ALKBH8: variants seen among roughly 807,000 people sequenced by gnomAD.
ALKBH8 encodes tRNA (carboxymethyluridine(34)-5-O)-methyltransferase ALKBH8.
In ALKBH8, 36 loss-of-function variants were observed where a neutral mutation model predicts 59.8. The ratio of observed to expected loss-of-function variants is 0.60; its 90% confidence interval spans 0.46 to 0.79. The LOEUF is 0.79. ALKBH8 is among the 30% of genes least tolerant of loss of function. The pLI, the probability that ALKBH8 is intolerant of heterozygous loss-of-function variation, is 0.00. For missense variants in ALKBH8, 768 were observed against 801.0 expected (o/e 0.96, Z 0.50); for synonymous variants, 276 against 273.6 (o/e 1.01, Z -0.09).
rs535825411 is a variant in ALKBH8, at chr11:107,547,154, G to T, written c.771+2599C>A. 1.1e-4 allele frequency among the ~76,000 whole-genome samples: 16 copies of T among 152,328 alleles called. 1 individual carries two copies. The South Asian group carries it at 3.3e-3, about 32-fold the overall frequency. On this transcript the variant is annotated intron_variant, in intron 7 of 11. Transcript: ENST00000428149. ...CTGACAAAATTATTACAATGAAATG[G>T]AAGCTGCCATAGGCATTACAGGAAA...
chr11:107,558,568 G>A (rs1565350508), intron 2 of ALKBH8, among the ~76,000 whole-genome samples: 1 of 152,142 alleles, frequency 6.6e-6, no homozygotes, highest in Non-Finnish European at 1.5e-5. Flanking sequence ...ATGACTTCAG[G>A]AATACTAGAA....
intron 8 of ALKBH8, 67 bp downstream of exon 8, chr11:107,532,233 T>C: frequency 1.5e-6 from 2 of 1,344,862 alleles, no homozygotes; most frequent in Non-Finnish European, 2.1e-6. Flanking sequence ...ATGGTCCCCG[T>C]GGCTCAAACA....
At chr11:107,506,952 G>A (rs1012910406) in intron 11 of ALKBH8, among the ~76,000 whole-genome samples, 1 of 151,824 alleles carries the variant, frequency 6.6e-6, no homozygotes, top group African/African-American at 2.4e-5. Flanking sequence ...TGCAATAAAG[G>A]GCAGAAGGGG....
intron 10 of ALKBH8, among the ~76,000 whole-genome samples, chr11:107,513,007 A>C (rs1862703737): frequency 6.6e-6 from 1 of 152,202 alleles, no homozygotes; most frequent in African/African-American, 2.4e-5. Flanking sequence ...TTTCATGACA[A>C]AGACAACAAA....
intron 7 of ALKBH8, among the ~76,000 whole-genome samples, chr11:107,534,028 G>A (rs1031201010): frequency 2.6e-5 from 4 of 152,144 alleles, no homozygotes; most frequent in African/African-American, 4.8e-5. Context: ...TACTCAGGAG[G>A]CTGAGGCAGG....
chr11:107,536,327 G>A (rs890619369), intron 7 of ALKBH8, among the ~76,000 whole-genome samples: 2 of 152,112 alleles, frequency 1.3e-5, no homozygotes, highest in Admixed American at 1.3e-4. Context: ...AGTAACACAA[G>A]GAACCCCACC....
chr11:107,544,686 T>C (rs1864175763), intron 7 of ALKBH8, among the ~76,000 whole-genome samples: 2 of 152,094 alleles, frequency 1.3e-5, no homozygotes, highest in South Asian at 4.1e-4. Flanking sequence ...AAATGAAGAT[T>C]GGCCCAATGC....
In ALKBH8 at chr11:107,504,319, A is replaced by G. The variant is rs1445387203; in HGVS notation, c.*339T>C. 9.2e-6 allele frequency: 5 copies of G among 543,714 alleles called. No homozygotes were observed. The highest frequency in any genetic ancestry group is 1.6e-5 in the Non-Finnish European group (5 of 311,092). 33.7% of individuals were successfully genotyped at this position (543,714 alleles called of 1,614,324 possible). A position where few individuals can be genotyped will look rare whatever the true frequency, so the allele number is the denominator to read the frequency against. Reference sequence around the variant, plus strand: ...CATATAATTACATCCCTAAAATCCTACATGATTTACTACATTTAGTAGCAC... The same window carrying G: ...CATATAATTACATCCCTAAAATCCTGCATGATTTACTACATTTAGTAGCAC... On this transcript the variant is annotated 3_prime_UTR_variant, in exon 12 of 12. Transcript: ENST00000428149.
chr11:107,512,803 T>TATCC (rs1862694157), intron 10 of ALKBH8, among the ~76,000 whole-genome samples: 2 of 152,250 alleles, frequency 1.3e-5, no homozygotes, highest in Non-Finnish European at 2.9e-5. Flanking sequence ...CTTCTGAGAA[T>TATCC]AAAGACTATG....
intron 4 of ALKBH8, 28 bp from the exon 5 acceptor site, chr11:107,553,231 T>A (rs1256396692): frequency 3.5e-6 from 5 of 1,435,802 alleles, no homozygotes; most frequent in Non-Finnish European, 4.8e-6. Flanking sequence ...AGTAAACAAT[T>A]AAGAAGGAAA....
chr11:107,552,571 T>C (rs1864542071), intron 5 of ALKBH8, among the ~76,000 whole-genome samples: 1 of 152,158 alleles, frequency 6.6e-6, no homozygotes, highest in Non-Finnish European at 1.5e-5. Context: ...AAATTATAAA[T>C]TTAAAAGCTT....
chr11:107,555,686 G>A (rs990756137), intron 3 of ALKBH8, among the ~76,000 whole-genome samples: 2 of 152,106 alleles, frequency 1.3e-5, no homozygotes, highest in African/African-American at 4.8e-5. Flanking sequence ...AATTTGAGCA[G>A]ATTATAGTCA....
rs1862273151 is a variant in ALKBH8 at position 107,503,951 on chromosome 11, A to G, written c.*707T>C. ...CATGGCATTTATCACTATCTGGCAC[A>G]TAGTATCTATTTATTGATTTGCCTG... is the stretch of plus-strand genomic sequence containing the variant. On this transcript the variant is annotated 3_prime_UTR_variant, in exon 12 of 12. Transcript: ENST00000428149. 6.6e-6 allele frequency: 1 copy of G among 152,222 alleles called. No homozygotes were observed. Among genetic ancestry groups the G allele is most frequent in the African/African-American group, 2.4e-5 (1 of 41,446 alleles). 9.4% of individuals were successfully genotyped at this position (152,222 alleles called of 1,614,324 possible).
At chr11:107,565,570 C>T (rs1239928856) in intron 1 of ALKBH8, 31 bp downstream of exon 1, 8 of 1,535,590 alleles carry the variant, frequency 5.2e-6, no homozygotes, top group Non-Finnish European at 7.0e-6. Flanking sequence ...ATTTGCTGCC[C>T]GTATGCCCGC....
At position 107,525,450 on chromosome 11, in the gene ALKBH8, A is replaced by G; in HGVS notation, c.1021T>C (p.Cys341Arg). 2.6e-6 allele frequency: 4 copies of G among 1,544,914 alleles called. No homozygotes were observed. The highest frequency in any genetic ancestry group is 3.5e-6 in the Non-Finnish European group (4 of 1,144,014). ...FTFRKVRQTP[C>R]NCSYPLVCDS... is the part of the protein sequence containing the mutation. ...AAGAGTATATACTTACTACAGTTACAAGGTGTTTGCCTCACTTTCCTAAAT... is the reference window on the plus strand; with the variant it reads ...AAGAGTATATACTTACTACAGTTACGAGGTGTTTGCCTCACTTTCCTAAAT... Residue 341 changes from cysteine to arginine, a missense_variant, in exon 9 of 12, where the codon TGT becomes CGT. Physicochemically the swap from Cys to Arg is radical, Grantham distance 180. Coordinates refer to ENST00000428149, the MANE Select transcript of ALKBH8 (RefSeq NM_138775.3).
At chr11:107,531,673 T>G (rs1021499987) in intron 8 of ALKBH8, among the ~76,000 whole-genome samples, 10 of 152,240 alleles carry the variant, frequency 6.6e-5, no homozygotes, top group African/African-American at 2.4e-4. Flanking sequence ...TTCCTGAATT[T>G]GAGCACTGCA....
chr11:107,511,023 C>A lies in ALKBH8; in HGVS notation c.1301G>T (p.Arg434Leu). 1 of 1,551,778 alleles carries A rather than the reference C, an allele frequency of 6.4e-7. No homozygotes were observed. The highest frequency in any genetic ancestry group is 1.4e-5 in the African/African-American group (1 of 73,146). ...NKELYMIGCD[R>L]SQNLVDICRE... The stretch of plus-strand genomic sequence containing the variant: ...ACAAATGTCCACAAGGTTTTGGCTA[C>A]GATCACAACCAATCTGTAACAGAGA... The change falls in exon 11 of 12, where the codon CGT becomes CTT. Residue 434 changes from arginine to leucine, a missense_variant. Coordinates refer to ENST00000428149, the MANE Select transcript of ALKBH8 (RefSeq NM_138775.3).
rs1565312678 is a variant in ALKBH8, at chr11:107,510,950, T to C, written c.1374A>G (p.Pro458=). The C allele has an allele frequency of 6.4e-7, 1 of 1,551,848 alleles. No homozygotes were observed. Among genetic ancestry groups the C allele is most frequent in the Non-Finnish European group, 8.7e-7 (1 of 1,146,976 alleles). ...AGGCATCACAAGACCCACTGCGGAC[T>C]GGTACTGCCAATGCATCACAGACAA... The part of the protein sequence containing the change: ...QAFVCDALAV[P]VRSGSCDACI... Residue 458 remains proline, a synonymous_variant, in exon 11 of 12, where the codon CCA becomes CCG. Coordinates refer to ENST00000428149, the MANE Select transcript of ALKBH8 (RefSeq NM_138775.3).
At chr11:107,555,940 C>T (rs959453692) in intron 3 of ALKBH8, among the ~76,000 whole-genome samples, 4 of 152,168 alleles carry the variant, frequency 2.6e-5, no homozygotes, top group African/African-American at 9.7e-5. Context: ...CAGACAGGAA[C>T]ATTTCTACCA....
Sources: allele counts gnomAD v4.1 joint callset (sites outside exome capture counted in the v4.1 genomes callset), GRCh38; gene constraint gnomAD v4.1.1; transcripts MANE v1.5; gene names NCBI Gene and HGNC (gene_info 2026-07-23, HGNC 2026-07-21).